CLTB: variants seen among roughly 807,000 people sequenced by gnomAD.
CLTB encodes the protein clathrin, light chain (Lcb).
A neutral mutation model predicts 30.5 loss-of-function variants in CLTB; 10 were observed. The observed-to-expected ratio is 0.33, with a 90% confidence interval of 0.20 to 0.56. The LOEUF (loss-of-function observed/expected upper bound fraction) is 0.56. CLTB is among the 20% of genes least tolerant of loss of function. The probability of loss-of-function intolerance (pLI) is 0.91; values close to 1 mark genes in which losing one functional copy is unlikely to be tolerated. For synonymous variants in CLTB, 102 were observed against 120.3 expected (o/e 0.85, Z 1.00); for missense variants, 261 against 308.3 (o/e 0.85, Z 1.15).
At chr5:176,394,256 A>G (rs930014296) in intron 5 of CLTB, among the ~76,000 whole-genome samples, 1 of 152,216 alleles carries the variant, frequency 6.6e-6, no homozygotes, top group Non-Finnish European at 1.5e-5. Context: ...CAAAGCGTCC[A>G]TGGTCCAATG....
intron 2 of CLTB, chr5:176,406,070 T>G (rs1757106556): frequency 1.2e-6 from 1 of 833,832 alleles, no homozygotes; most frequent in Admixed American, 6.2e-5. Flanking sequence ...TCCGGGCTGC[T>G]CAGAACTTAT....
In CLTB at chr5:176,404,273, G is replaced by A. The variant is rs138372488; in HGVS notation, c.234+5984C>T. ...GACTAGAGACTGGGTCCCCAGCTCC[G>A]GTTGCCCCCAGGTCTCATGGCCCGC... On this transcript the variant is annotated intron_variant, in intron 2 of 5. Transcript: ENST00000310418. Among the ~76,000 whole-genome samples the A allele has an allele frequency of 2.5e-4, 38 of 152,314 alleles. No homozygotes were observed. In the East Asian group the frequency reaches 5.8e-3, roughly 23 times the overall value.
chr5:176,394,683 C>T (rs557494384), intron 5 of CLTB, among the ~76,000 whole-genome samples: 43 of 152,146 alleles, frequency 2.8e-4, no homozygotes, highest in Middle Eastern at 3.4e-3. Flanking sequence ...GGCATGGTGG[C>T]GGGCACCTGT....
chr5:176,402,754 A>T (rs1031511844), intron 2 of CLTB, among the ~76,000 whole-genome samples: 14 of 152,208 alleles, frequency 9.2e-5, no homozygotes, highest in African/African-American at 3.4e-4. Flanking sequence ...GTCCCTCACA[A>T]ATGAGAACCA....
At chr5:176,415,724 G>A (rs1757659989) in intron 1 of CLTB, among the ~76,000 whole-genome samples, 1 of 152,192 alleles carries the variant, frequency 6.6e-6, no homozygotes, top group Non-Finnish European at 1.5e-5. Context: ...GGTCACCGGG[G>A]AAGGTTAGTG....
At chr5:176,403,001 T>C (rs1229968877) in intron 2 of CLTB, among the ~76,000 whole-genome samples, 1 of 151,760 alleles carries the variant, frequency 6.6e-6, no homozygotes, top group Non-Finnish European at 1.5e-5. Flanking sequence ...AGGAGTCTCT[T>C]TTCATCTGTA....
At chr5:176,403,444 G>GT (rs1413762321) in intron 2 of CLTB, among the ~76,000 whole-genome samples, 3 of 147,832 alleles carry the variant, frequency 2.0e-5, no homozygotes, top group South Asian at 4.4e-4. Context: ...GTTTTTTGGT[G>GT]TTTTTTTGTT....
intron 2 of CLTB, among the ~76,000 whole-genome samples, chr5:176,400,205 AAAAGAAAGAAAG>A (rs202007442): frequency 6.6e-6 from 1 of 151,862 alleles, no homozygotes; most frequent in Admixed American, 6.6e-5. Context: ...CTCAAAAAAA[AAAAGAAAGAAAG>A]AAAGAAAGAA....
chr5:176,395,290 G>C (rs182145898), intron 5 of CLTB, among the ~76,000 whole-genome samples: 1 of 152,328 alleles, frequency 6.6e-6, no homozygotes, highest in Non-Finnish European at 1.5e-5. Context: ...AGGCTCCCCA[G>C]GCAGAGAGTG....
At chr5:176,400,141 G>A (rs879916209) in intron 2 of CLTB, among the ~76,000 whole-genome samples, 7 of 150,294 alleles carry the variant, frequency 4.7e-5, no homozygotes, top group Non-Finnish European at 7.4e-5. Flanking sequence ...AGGCTGCAGT[G>A]AGCCAAGATC....
At chr5:176,404,946 T>A (rs1757031765) in intron 2 of CLTB, among the ~76,000 whole-genome samples, 1 of 152,214 alleles carries the variant, frequency 6.6e-6, no homozygotes, top group Admixed American at 6.5e-5. Context: ...GATCCTGGAT[T>A]CAAGTTTTAC....
chr5:176,416,161 C>G lies in CLTB; in HGVS notation c.187+16G>C, dbSNP rs750358547. On this transcript the variant is annotated intron_variant, in intron 1 of 5. Transcript: ENST00000310418. ...TGCGCGCCCTGAGCCCCTCTCCAGG[C>G]CCCGCGCTGACTCACCCCCACTCGT... is the stretch of plus-strand genomic sequence containing the variant. The G allele has an allele frequency of 8.0e-5, 124 of 1,553,712 alleles. No individual in the cohort carries two copies. The highest frequency in any genetic ancestry group is 1.5e-4 in the East Asian group (6 of 39,648).
chr5:176,393,173 A>T lies in CLTB; in HGVS notation c.519-228T>A, dbSNP rs1011194520. On this transcript the variant is annotated intron_variant, in intron 5 of 5. Transcript: ENST00000310418. The surrounding 1 kb of genome is among the most constrained non-coding windows in gnomAD (Gnocchi z 4.4). ...TCTTCCTGGAACACGCTTCTCCCAGACCTGTTCCTGGCTTGCTGCTTCTTG... is the reference window on the plus strand; with the variant it reads ...TCTTCCTGGAACACGCTTCTCCCAGTCCTGTTCCTGGCTTGCTGCTTCTTG... 1.3e-5 allele frequency among the ~76,000 whole-genome samples: 2 copies of T among 151,916 alleles called. No homozygotes were observed. The highest frequency in any genetic ancestry group is 2.9e-5 in the Non-Finnish European group (2 of 67,970).
chr5:176,394,062 G>A (rs1347462098), intron 5 of CLTB, among the ~76,000 whole-genome samples: 2 of 152,186 alleles, frequency 1.3e-5, no homozygotes, highest in African/African-American at 2.4e-5. Context: ...TTCCTAGCCT[G>A]TAAAATGAGG....
chr5:176,398,991 C>T (rs930856502), intron 2 of CLTB, among the ~76,000 whole-genome samples: 14 of 151,814 alleles, frequency 9.2e-5, no homozygotes, highest in African/African-American at 2.7e-4. Flanking sequence ...TACAGGCACA[C>T]GTCACGACAC....
intron 2 of CLTB, chr5:176,406,421 G>A (rs1055922406): frequency 1.6e-5 from 19 of 1,160,698 alleles, no homozygotes; most frequent in Admixed American, 1.6e-4. Context: ...CGTGTGCTGC[G>A]ACTCCAGGGA....
At chr5:176,397,806 C>T in intron 3 of CLTB, 88 bp from the exon 4 acceptor site, 1 of 1,501,712 alleles carries the variant, frequency 6.7e-7, no homozygotes, top group Non-Finnish European at 9.3e-7. Context: ...TGCCAGGCAG[C>T]CACAGGGCCG....
At position 176,392,671 on chromosome 5, in the gene CLTB, G is replaced by A. The variant is rs1007440063; in HGVS notation, c.*103C>T. The A allele has an allele frequency of 1.6e-5, 22 of 1,350,786 alleles. No individual in the cohort carries two copies. The Admixed American group carries it at 3.9e-4, about 24-fold the overall frequency. 83.7% of individuals were successfully genotyped at this position (1,350,786 alleles called of 1,614,324 possible). On this transcript the variant is annotated 3_prime_UTR_variant, in exon 6 of 6. Coordinates refer to ENST00000310418, the MANE Select transcript of CLTB (RefSeq NM_007097.5). The surrounding 1 kb of genome is among the most constrained non-coding windows in gnomAD (Gnocchi z 5.2). ...CTGGAGATGGGGAGGAGTGGAATAG[G>A]CTGTGGGTAGCAGCTGCTGCGAGTC...
At chr5:176,411,660 T>C (rs1561801483) in intron 1 of CLTB, among the ~76,000 whole-genome samples, 1 of 152,184 alleles carries the variant, frequency 6.6e-6, no homozygotes, top group South Asian at 2.1e-4. Context: ...TCATCCATGA[T>C]GAGGCCCACC....
Sources: allele counts gnomAD v4.1 joint callset (sites outside exome capture counted in the v4.1 genomes callset), GRCh38; gene constraint gnomAD v4.1.1; non-coding constraint Gnocchi (gnomAD v3.1); transcripts MANE v1.5; gene names NCBI Gene and HGNC (gene_info 2026-07-23, HGNC 2026-07-21).